The following CDH23 variants were observed in gnomAD, a reference collection of about 807,000 sequenced individuals.
CDH23 encodes the protein cadherin related 23, also known as cadherin-23.
A neutral mutation model predicts 317.1 loss-of-function variants in CDH23; 189 were observed. The observed-to-expected ratio is 0.60, with a 90% CI of 0.53 to 0.67. The LOEUF is 0.67. Ranked by LOEUF, CDH23 falls within the 30% of genes least tolerant of loss-of-function variation. The pLI is 0.00. For synonymous variants in CDH23, 1,839 were observed against 1,876.8 expected (o/e 0.98, Z 0.52); for missense variants, 4,401 against 4,592.4 (o/e 0.96, Z 1.20).
At chr10:71,796,995 G>T (rs1038066688) in intron 48 of CDH23, 109 bp from the exon 49 acceptor site, 12 of 698,790 alleles carry the variant, frequency 1.7e-5, no homozygotes, top group Non-Finnish European at 2.8e-5. Context: ...TTCTACTGGG[G>T]ACCGTCATCC....
chr10:71,719,711 GC>G (rs2132785483), intron 28 of CDH23: 1 of 152,532 alleles, frequency 6.6e-6, no homozygotes. Flanking sequence ...CCTGGGCAGT[GC>G]CTGTGACCCC....
intron 6 of CDH23, among the ~76,000 whole-genome samples, chr10:71,557,592 A>C (rs959855233): frequency 1.3e-5 from 2 of 152,204 alleles, no homozygotes; most frequent in African/African-American, 2.4e-5. Flanking sequence ...AAAAGTGTTC[A>C]TGGGAATTTT....
At chr10:71,732,828 C>A (rs902099579) in intron 32 of CDH23, 1 of 443,630 alleles carries the variant, frequency 2.3e-6, no homozygotes, top group Non-Finnish European at 3.1e-6. Context: ...TATCGGCAAC[C>A]AATTATCTGA....
At position 71,733,129 on chromosome 10, in the gene CDH23, C is replaced by A. The variant is rs143444258; in HGVS notation, c.4104+754C>A. On this transcript the variant is annotated intron_variant, in intron 32 of 69. Transcript: ENST00000224721. ...CACAAGTTCGATGAATTTGCTAGAG[C>A]AGCTTGCAGAACTCAGGGAAACACT... is the stretch of plus-strand genomic sequence containing the variant. 5.9e-4 allele frequency among the ~76,000 whole-genome samples: 90 copies of A among 152,350 alleles called. 1 individual carries two copies. The East Asian group carries it at 0.014, about 23-fold the overall frequency.
intron 41 of CDH23, among the ~76,000 whole-genome samples, chr10:71,783,797 C>A (rs1002575584): frequency 5.9e-5 from 9 of 152,374 alleles, no homozygotes; most frequent in Admixed American, 5.2e-4. Context: ...CCGGTGCCTG[C>A]GCATTCACCA....
intron 41 of CDH23, among the ~76,000 whole-genome samples, chr10:71,783,236 A>G (rs1348205797): frequency 6.6e-6 from 1 of 152,208 alleles, no homozygotes; most frequent in Non-Finnish European, 1.5e-5. Flanking sequence ...TCTTCCTGCC[A>G]GAGCCACAGC....
chr10:71,769,345 C>A (rs557998789), intron 38 of CDH23, among the ~76,000 whole-genome samples: 10 of 152,254 alleles, frequency 6.6e-5, no homozygotes, highest in African/African-American at 2.2e-4. Context: ...GAATTCAATA[C>A]CCTTATATGG....
chr10:71,600,592 C>T (rs921227196), intron 9 of CDH23, among the ~76,000 whole-genome samples: 1 of 150,206 alleles, frequency 6.7e-6, no homozygotes, highest in African/African-American at 2.5e-5. Flanking sequence ...TCTCAGCTCA[C>T]TGCAACCTCT....
intron 14 of CDH23, 107 bp downstream of exon 14, chr10:71,646,724 A>AC (rs1315642339): frequency 7.4e-6 from 12 of 1,610,822 alleles, no homozygotes; most frequent in Non-Finnish European, 1.0e-5. Context: ...GGAAGGAGGC[A>AC]CCCCCAAATC....
chr10:71,739,386 T>C (rs540570571), intron 35 of CDH23, among the ~76,000 whole-genome samples: 1 of 152,306 alleles, frequency 6.6e-6, no homozygotes, highest in East Asian at 1.9e-4. Flanking sequence ...GCCATGGGAC[T>C]CAAGCCCCAC....
rs747193392 is a variant in CDH23 at position 71,675,133 on chromosome 10, A to G, written c.1471A>G (p.Thr491Ala). 16 of 1,613,876 alleles carry G rather than the reference A, an allele frequency of 9.9e-6. No individual in the cohort carries two copies. The South Asian group carries it at 1.6e-4, about 17-fold the overall frequency. The change falls in exon 15 of 70, where the codon ACC becomes GCC. Residue 491 changes from threonine (T) to alanine (A), a missense_variant. Physicochemically the swap from Thr to Ala is moderately conservative, Grantham distance 58. Around this residue, in one of 3 missense-constraint regions of CDH23, gnomAD observed 3,068 missense variants for 3,203.3 expected, o/e 0.96. Coordinates refer to ENST00000224721, the MANE Select transcript of CDH23 (RefSeq NM_022124.6). ...TVLATDNDAG[T>A]FGEVSYFFSD... is the part of the protein sequence containing the mutation. ...GCAGGCAACTGACAATGATGCAGGC[A>G]CCTTTGGGGAAGTCAGCTACTTCTT...
intron 18 of CDH23, 105 bp downstream of exon 18, chr10:71,682,677 C>T (rs1413889987): frequency 5.6e-6 from 8 of 1,422,944 alleles, no homozygotes; most frequent in Non-Finnish European, 6.7e-6. Context: ...CCTTGGCTGT[C>T]CCTGCACCTT....
Position 71,738,559 on chromosome 10 carries a change from C to CGGCGGT in CDH23, c.4272_4277dup (p.Ala1425_Val1426dup), listed in dbSNP as rs774103341. On this transcript the variant is annotated inframe_insertion, in exon 35 of 70. Coordinates refer to ENST00000224721, the MANE Select transcript of CDH23 (RefSeq NM_022124.6). Reference sequence around the variant, plus strand: ...CCCCGGTTTGACTTCACCTCCGACTCGGCGGTCAGCATACCCGAGGACTGC... The same window carrying CGGCGGT: ...CCCCGGTTTGACTTCACCTCCGACTCGGCGGTGGCGGTCAGCATACCCGAGGACTGC... 1.2e-6 allele frequency: 2 copies of CGGCGGT among 1,613,980 alleles called. No homozygotes were observed. Among genetic ancestry groups the CGGCGGT allele is most frequent in the South Asian group, 2.2e-5 (2 of 91,090 alleles).
intron 38 of CDH23, among the ~76,000 whole-genome samples, chr10:71,743,525 G>T (rs1354992370): frequency 1.3e-5 from 2 of 152,108 alleles, no homozygotes; most frequent in Non-Finnish European, 2.9e-5. Context: ...GCACCCCTGT[G>T]GGCATCCTTA....
In CDH23 at chr10:71,435,348, G is replaced by C. The variant is rs185966137; in HGVS notation, c.-5-4479G>C. On this transcript the variant is annotated intron_variant, in intron 1 of 69. Transcript: ENST00000224721. ...ATTTTCTCTCTCCTGATGGCCCTGG[G>C]CAGTGACAGTCTGTTTCACTTATTT... Among the ~76,000 whole-genome samples the C allele has an allele frequency of 1.5e-3, 234 of 152,304 alleles. 7 individuals carry two copies. Among genetic ancestry groups the C allele is most frequent in the Admixed American group, 0.014 (208 of 15,300 alleles).
At chr10:71,411,293 T>G (rs1848333264) in intron 1 of CDH23, among the ~76,000 whole-genome samples, 1 of 152,200 alleles carries the variant, frequency 6.6e-6, no homozygotes, top group Non-Finnish European at 1.5e-5. Flanking sequence ...TTTTCTAAGT[T>G]TTAATACATT....
At chr10:71,613,548 C>T (rs1319068865) in intron 9 of CDH23, among the ~76,000 whole-genome samples, 1 of 152,214 alleles carries the variant, frequency 6.6e-6, no homozygotes, top group South Asian at 2.1e-4. Flanking sequence ...AGAGTGGCCA[C>T]TAGCCACTAA....
At chr10:71,596,814 CAGG>C (rs951656562) in intron 9 of CDH23, among the ~76,000 whole-genome samples, 1 of 152,160 alleles carries the variant, frequency 6.6e-6, no homozygotes, top group Non-Finnish European at 1.5e-5. Flanking sequence ...TAGGATCTTA[CAGG>C]AGGAGTGAAG....
At chr10:71,573,155 G>A (rs1236279543) in intron 8 of CDH23, among the ~76,000 whole-genome samples, 1 of 152,174 alleles carries the variant, frequency 6.6e-6, no homozygotes, top group Non-Finnish European at 1.5e-5. Flanking sequence ...GCCAATTAGC[G>A]GACATTAAAC....
Sources: allele counts gnomAD v4.1 joint callset (sites outside exome capture counted in the v4.1 genomes callset), GRCh38; gene constraint gnomAD v4.1.1; regional missense constraint gnomAD v4.1.1; transcripts MANE v1.5; gene names NCBI Gene and HGNC (gene_info 2026-07-23, HGNC 2026-07-21).